QTMAN: variants seen among roughly 807,000 people sequenced by gnomAD.
The protein encoded by QTMAN is queuosine-tRNA mannosyltransferase.
At chr2:144,273,994 C>T in the QTMAN span, among the ~76,000 whole-genome samples, 4 of 152,076 alleles carry the variant, frequency 2.6e-5, no homozygotes, top group East Asian at 3.9e-4. Flanking sequence ...ATGAGCTGGG[C>T]GTGATGGCAC....
At chr2:144,094,709 C>T in the QTMAN span, among the ~76,000 whole-genome samples, 1 of 152,176 alleles carries the variant, frequency 6.6e-6, no homozygotes, top group Non-Finnish European at 1.5e-5. Context: ...ATGGAGATTA[C>T]AGTTCAAGGT....
the QTMAN span, chr2:143,944,178 CTTAT>C: frequency 1.8e-3 from 269 of 152,184 alleles, no homozygotes; most frequent in African/African-American, 6.2e-3. Flanking sequence ...TACTGATTAA[CTTAT>C]TTAATAACAC....
At chr2:144,011,848 G>A in the QTMAN span, 1 of 453,718 alleles carries the variant, frequency 2.2e-6, no homozygotes, top group Non-Finnish European at 2.9e-6. Flanking sequence ...GAGGTAAGAA[G>A]TGAAAGAGAG....
At chr2:144,040,876 T>C in the QTMAN span, among the ~76,000 whole-genome samples, 2 of 152,214 alleles carry the variant, frequency 1.3e-5, no homozygotes, top group African/African-American at 4.8e-5. Context: ...AGAGGTGGAT[T>C]TATTATCATT....
chr2:144,144,876 C>G, the QTMAN span, among the ~76,000 whole-genome samples: 1 of 151,850 alleles, frequency 6.6e-6, no homozygotes, highest in African/African-American at 2.4e-5. Flanking sequence ...TTCCGTTTGA[C>G]TGTTGCAGTT....
the QTMAN span, chr2:144,177,096 T>C: frequency 1.4e-6 from 1 of 696,062 alleles, no homozygotes; most frequent in Non-Finnish European, 2.6e-6. Flanking sequence ...AAAGGGGAAA[T>C]CCACCTCCAT....
the QTMAN span, among the ~76,000 whole-genome samples, chr2:144,123,709 A>G: frequency 6.6e-6 from 1 of 152,260 alleles, no homozygotes; most frequent in South Asian, 2.1e-4. Context: ...ACACAGCACT[A>G]TAGATTGAAA....
the QTMAN span, among the ~76,000 whole-genome samples, chr2:144,020,663 T>C: frequency 6.6e-6 from 1 of 152,250 alleles, no homozygotes; most frequent in South Asian, 2.1e-4. Flanking sequence ...CCCTAGAGGT[T>C]TGAGCAGTGG....
the QTMAN span, among the ~76,000 whole-genome samples, chr2:144,001,733 A>G: frequency 1.3e-5 from 2 of 151,864 alleles, no homozygotes; most frequent in African/African-American, 4.8e-5. Context: ...CTTCCTAGCT[A>G]CTTAGCCCAT....
At chr2:144,065,528 A>G in the QTMAN span, among the ~76,000 whole-genome samples, 2 of 152,178 alleles carry the variant, frequency 1.3e-5, no homozygotes, top group African/African-American at 4.8e-5. Flanking sequence ...AACAATGGGC[A>G]TACTCAGTTG....
the QTMAN span, among the ~76,000 whole-genome samples, chr2:144,246,558 C>A: frequency 1.6e-5 from 2 of 123,158 alleles, no homozygotes; most frequent in Non-Finnish European, 3.1e-5. Context: ...CCGGCCTGGG[C>A]GACAGAGCGA....
chr2:143,992,147 AAAG>A, the QTMAN span, among the ~76,000 whole-genome samples: 2 of 151,756 alleles, frequency 1.3e-5, no homozygotes, highest in African/African-American at 4.8e-5. Flanking sequence ...GTCTGTGTGG[AAAG>A]AAGTAGACAT....
the QTMAN span, among the ~76,000 whole-genome samples, chr2:144,076,388 T>C: frequency 6.6e-6 from 1 of 152,134 alleles, no homozygotes; most frequent in African/African-American, 2.4e-5. Context: ...AGTCCCAAAC[T>C]GAAGGGATTT....
chr2:144,207,282 T>C, the QTMAN span, among the ~76,000 whole-genome samples: 1 of 152,240 alleles, frequency 6.6e-6, no homozygotes, highest in Admixed American at 6.5e-5. Flanking sequence ...CTCACTGCTA[T>C]TCCATCTGAC....
the QTMAN span, among the ~76,000 whole-genome samples, chr2:144,306,655 C>T: frequency 3.9e-5 from 6 of 151,904 alleles, no homozygotes; most frequent in African/African-American, 1.4e-4. Flanking sequence ...CCATAAGAGC[C>T]CCCCAGAAAA....
the QTMAN span, among the ~76,000 whole-genome samples, chr2:143,966,168 C>A: frequency 1.3e-5 from 2 of 152,126 alleles, no homozygotes; most frequent in African/African-American, 4.8e-5. Context: ...TGAGCACTTG[C>A]CTTTGAGGTA....
chr2:144,290,789 TAGTG>T, the QTMAN span, among the ~76,000 whole-genome samples: 9 of 152,242 alleles, frequency 5.9e-5, no homozygotes, highest in African/African-American at 1.9e-4. Context: ...ATCTGCTTCT[TAGTG>T]AGGCCTTTCC....
At chr2:144,179,894 A>G in the QTMAN span, among the ~76,000 whole-genome samples, 1 of 152,192 alleles carries the variant, frequency 6.6e-6, no homozygotes. Flanking sequence ...CCAAGTTCTT[A>G]AGAATAATTT....
chr2:143,952,386 A>T, the QTMAN span, among the ~76,000 whole-genome samples: 2 of 151,518 alleles, frequency 1.3e-5, no homozygotes, highest in South Asian at 4.1e-4. Context: ...ATGTACCCGT[A>T]CAACAGTTGC....
Sources: gnomAD v4.1 joint callset for allele counts (sites outside exome capture counted in the v4.1 genomes callset) on GRCh38, gnomAD v4.1.1 for gene constraint, MANE v1.5 for transcripts, NCBI Gene and HGNC (gene_info 2026-07-23, HGNC 2026-07-21) for gene names.